RDH13: variants seen among roughly 807,000 people sequenced by gnomAD.
RDH13 encodes retinol dehydrogenase 13.
In RDH13, 35 loss-of-function variants were observed where a neutral mutation model predicts 28.3. The ratio of observed to expected loss-of-function variants is 1.24; its 90% CI spans 0.95 to 1.64. RDH13 has a LOEUF of 1.64. RDH13 is among the 40% of genes most tolerant of loss of function. The pLI is 0.00. For synonymous variants in RDH13, 229 were observed against 198.5 expected (o/e 1.15, Z -1.29); for missense variants, 514 against 446.3 (o/e 1.15, Z -1.37).
Position 55,063,137 on chromosome 19 carries a change from G to A in RDH13, c.-105C>T, listed in dbSNP as rs1171118173. 3 of 1,106,610 alleles carry A rather than the reference G, an allele frequency of 2.7e-6. No homozygotes were observed. The highest frequency in any genetic ancestry group is 6.5e-5 in the East Asian group (2 of 31,002). 68.5% of individuals were successfully genotyped at this position (1,106,610 alleles called of 1,614,324 possible). On this transcript the variant is annotated 5_prime_UTR_variant, in exon 1 of 7. Transcript: ENST00000415061. ...AAGAGCGCGCGACGCAGCCACAGGCGAGCGGAGGCGCAGGCGCGGCTGGGC... is the reference window on the plus strand; with the variant it reads ...AAGAGCGCGCGACGCAGCCACAGGCAAGCGGAGGCGCAGGCGCGGCTGGGC...
At chr19:55,068,821 G>A (rs541356192) in intron 1 of RDH13, 1 of 139,358 alleles carries the variant, frequency 7.2e-6, no homozygotes, top group South Asian at 2.5e-4. Context: ...GGGCGACAGA[G>A]CAAGACTCTG....
At chr19:55,062,041 C>T (rs981399111) in intron 1 of RDH13, among the ~76,000 whole-genome samples, 4 of 151,774 alleles carry the variant, frequency 2.6e-5, no homozygotes, top group African/African-American at 4.8e-5. Context: ...CGCTTGAACC[C>T]GGGAGGTGGA....
At chr19:55,045,404 C>T in intron 6 of RDH13, 95 bp from the exon 7 acceptor site, 5 of 892,624 alleles carry the variant, frequency 5.6e-6, no homozygotes, top group Non-Finnish European at 8.6e-6. Flanking sequence ...TCCCTGGAGT[C>T]CCACAGAGCC....
upstream of RDH13, among the ~76,000 whole-genome samples, chr19:55,065,470 ACT>A (rs1363975858): frequency 1.3e-5 from 2 of 151,714 alleles, no homozygotes; most frequent in Admixed American, 1.3e-4. Flanking sequence ...AAAAAACAAC[ACT>A]GTTTTTCCCT....
upstream of RDH13, among the ~76,000 whole-genome samples, chr19:55,065,961 A>G (rs1377824244): frequency 6.6e-6 from 1 of 152,086 alleles, no homozygotes; most frequent in Non-Finnish European, 1.5e-5. Flanking sequence ...CAGGTGATCC[A>G]CCTGCCTCAG....
rs770879840 is a variant in RDH13 at position 55,047,392 on chromosome 19, G to A, written c.755C>T (p.Thr252Ile). 75 of 1,611,664 alleles carry A rather than the reference G, an allele frequency of 4.7e-5. No homozygotes were observed. Among genetic ancestry groups the A allele is most frequent in the Non-Finnish European group, 5.8e-5 (68 of 1,179,894 alleles). The part of the protein sequence containing the change: ...GIHGSTFSST[T>I]LGPIFWLLVK... ...CAGGCTGGGAGGGGACTCACCGAGT[G>A]TGGTGCTGGAGAAGGTGGAGCCATG... The change falls in exon 6 of 7, where the codon ACA (threonine) becomes ATA (isoleucine). Residue 252 changes from threonine to isoleucine, a missense_variant. Coordinates refer to ENST00000415061, the MANE Select transcript of RDH13 (RefSeq NM_001145971.2).
chr19:55,047,318 TG>T, intron 6 of RDH13, 68 bp downstream of exon 6: 1 of 1,566,182 alleles, frequency 6.4e-7, no homozygotes. Flanking sequence ...GGGAGGGTCC[TG>T]GGCCCTGGGC....
At position 55,048,510 on chromosome 19, in the gene RDH13, G is replaced by A; in HGVS notation, c.477C>T (p.Asp159=). Reference sequence around the variant, plus strand: ...GCGAAGGGGCTGAGGCTTTCAGCTTGTCCAGCAGCAAGTTTGTCAAGAGAA... The same window carrying A: ...GCGAAGGGGCTGAGGCTTTCAGCTTATCCAGCAGCAAGTTTGTCAAGAGAA... ...GHFLLTNLLL[D]KLKASAPSRI... The change falls in exon 5 of 7, where the codon GAC becomes GAT. Residue 159 remains aspartate, a synonymous_variant. Coordinates refer to ENST00000415061, the MANE Select transcript of RDH13 (RefSeq NM_001145971.2). The A allele has an allele frequency of 6.2e-7, 1 of 1,614,198 alleles. No individual in the cohort carries two copies. The highest frequency in any genetic ancestry group is 8.5e-7 in the Non-Finnish European group (1 of 1,180,034).
intron 1 of RDH13, 85 bp from the exon 2 acceptor site, chr19:55,059,360 T>C: frequency 1.2e-6 from 1 of 840,404 alleles, no homozygotes; most frequent in Non-Finnish European, 1.9e-6. Flanking sequence ...GGCAACCTTG[T>C]CTGAGCTCAC....
At chr19:55,063,286 TGTGGGCGTG>T (rs1219381335), upstream of RDH13, 1 of 387,408 alleles carries the variant, frequency 2.6e-6, no homozygotes, top group East Asian at 3.8e-5. Flanking sequence ...TTCAGGAGCC[TGTGGGCGTG>T]GCTAGTCCGG....
At chr19:55,067,902 C>T (rs368584348), upstream of RDH13, among the ~76,000 whole-genome samples, 15,992 of 147,412 alleles carry the variant, frequency 0.11, 1,179 homozygotes, top group Admixed American at 0.17. Flanking sequence ...TTCTCTCCCC[C>T]TCATCTGTGT....
chr19:55,048,130 A>G, intron 5 of RDH13, 199 bp downstream of exon 5: 1 of 1,532,216 alleles, frequency 6.5e-7, no homozygotes, highest in South Asian at 1.2e-5. Flanking sequence ...ACCTGGGATG[A>G]ACAGACAATC....
chr19:55,052,405 G>A (rs1425033095), intron 3 of RDH13, among the ~76,000 whole-genome samples: 5 of 150,772 alleles, frequency 3.3e-5, no homozygotes, highest in East Asian at 2.0e-4. Flanking sequence ...TTAGCCGGGC[G>A]TGGTGGCGCA....
chr19:55,045,169 C>T lies in RDH13; in HGVS notation c.901G>A (p.Glu301Lys), dbSNP rs1568681274. 7 of 1,613,760 alleles carry T rather than the reference C, an allele frequency of 4.3e-6. No homozygotes were observed. The highest frequency in any genetic ancestry group is 1.1e-5 in the South Asian group (1 of 91,080). Residue 301 changes from glutamate (E) to lysine (K), a missense_variant, in exon 7 of 7, where the codon GAG becomes AAG. Coordinates refer to ENST00000415061, the MANE Select transcript of RDH13 (RefSeq NM_001145971.2). ...AGCCTCCGGGCCACCTCCTCATCCTCAGCCTCGGGGGCCGGGGCCTTCTGT... is the reference window on the plus strand; with the variant it reads ...AGCCTCCGGGCCACCTCCTCATCCTTAGCCTCGGGGGCCGGGGCCTTCTGT... ...LKQKAPAPEA[E>K]DEEVARRLWA... is the part of the protein sequence containing the mutation.
exon 3 of RDH13, chr19:55,039,209 CAAGGT>C (rs1318069612): frequency 6.6e-6 from 1 of 152,208 alleles, no homozygotes; most frequent in Non-Finnish European, 1.5e-5. Flanking sequence ...TATATACACA[CAAGGT>C]AATATCAACC....
At chr19:55,052,678 T>TG (rs1401643662) in intron 3 of RDH13, among the ~76,000 whole-genome samples, 3 of 150,424 alleles carry the variant, frequency 2.0e-5, no homozygotes, top group Non-Finnish European at 4.4e-5. Context: ...TATTTTTTTT[T>TG]TGAGATGGAG....
chr19:55,061,706 C>T (rs2075811676), intron 1 of RDH13, among the ~76,000 whole-genome samples: 1 of 151,746 alleles, frequency 6.6e-6, no homozygotes, highest in Non-Finnish European at 1.5e-5. Context: ...GTGGGAGGAC[C>T]ACCTGAGCCC....
At chr19:55,040,775 C>T (rs1180963922), downstream of RDH13, 1 of 152,184 alleles carries the variant, frequency 6.6e-6, no homozygotes, top group African/African-American at 2.4e-5. Context: ...ACTTATTGAA[C>T]GAGTGGTTTC....
chr19:55,051,425 T>C (rs2075429223), intron 3 of RDH13, among the ~76,000 whole-genome samples: 1 of 151,864 alleles, frequency 6.6e-6, no homozygotes, highest in African/African-American at 2.4e-5. Flanking sequence ...GTTTTGGTTT[T>C]TTTTCTTTTT....
Sources: gnomAD v4.1 joint callset for allele counts (sites outside exome capture counted in the v4.1 genomes callset) on GRCh38, gnomAD v4.1.1 for gene constraint, MANE v1.5 for transcripts, NCBI Gene and HGNC (gene_info 2026-07-23, HGNC 2026-07-21) for gene names.